FADS2: variants seen among roughly 807,000 people sequenced by gnomAD.
FADS2 encodes the protein fatty acid desaturase 2.
In FADS2, 18 loss-of-function variants were observed where a neutral mutation model predicts 61.2. The ratio of observed to expected loss-of-function variants is 0.29; its 90% CI spans 0.20 to 0.44. The LOEUF (loss-of-function observed/expected upper bound fraction) is 0.44. Ranked by LOEUF, FADS2 falls within the 20% of genes least tolerant of loss-of-function variation. FADS2 has a pLI of 1.00. For missense variants in FADS2, 322 were observed against 572.7 expected (o/e 0.56, Z 4.47); for synonymous variants, 203 against 223.9 (o/e 0.91, Z 0.83).
At chr11:61,862,785 C>T (rs1445309655) in intron 7 of FADS2, 187 bp from the exon 8 acceptor site, 5 of 606,716 alleles carry the variant, frequency 8.2e-6, no homozygotes, top group Non-Finnish European at 1.5e-5. Context: ...TCAGCATTTC[C>T]CTAGAAACAA....
At chr11:61,864,631 G>A (rs2067446380) in intron 10 of FADS2, among the ~76,000 whole-genome samples, 1 of 152,166 alleles carries the variant, frequency 6.6e-6, no homozygotes, top group Non-Finnish European at 1.5e-5. Context: ...CTAGCCTCAA[G>A]TGATCCACCT....
Position 61,857,186 on chromosome 11 carries a change from T to C in FADS2, c.805+115T>C, listed in dbSNP as rs1591179085. ...ATCCAGAAAGTGACACTAAACTTGT[T>C]AGAAGCGGGGGCCACAGCAGCCTTG... is the stretch of plus-strand genomic sequence containing the variant. On this transcript the variant is annotated intron_variant, in intron 6 of 11. Coordinates refer to ENST00000278840, the MANE Select transcript of FADS2 (RefSeq NM_004265.4). 1.4e-5 allele frequency: 13 copies of C among 959,008 alleles called. No individual in the cohort carries two copies. The East Asian group carries it at 2.9e-4, about 22-fold the overall frequency. 59.4% of individuals were successfully genotyped at this position (959,008 alleles called of 1,614,324 possible). A position where few individuals can be genotyped will look rare whatever the true frequency, so the allele number is the denominator to read the frequency against.
chr11:61,863,511 A>G (rs1311110611), intron 9 of FADS2, 133 bp downstream of exon 9: 3 of 807,464 alleles, frequency 3.7e-6, no homozygotes, highest in Non-Finnish European at 6.2e-6. Flanking sequence ...TGGGAGCTTC[A>G]GGGCTGAGCA....
rs1209179092 is a variant in FADS2, at chr11:61,857,587, A to G, written c.882+57A>G. Reference sequence around the variant, plus strand: ...GGAGGAGGGTGACTGGGACAGGGGGACCCGGGGGTCCTACGCTGCCTCCTC... The same window carrying G: ...GGAGGAGGGTGACTGGGACAGGGGGGCCCGGGGGTCCTACGCTGCCTCCTC... On this transcript the variant is annotated intron_variant, in intron 7 of 11. Transcript: ENST00000278840. 8 of 1,493,344 alleles carry G rather than the reference A, an allele frequency of 5.4e-6. No individual in the cohort carries two copies. In the Admixed American group the frequency reaches 1.3e-4, roughly 25 times the overall value. The allele number at this position is 1,493,344 out of a possible 1,614,324, so 92.5% of individuals were successfully genotyped here. A position where few individuals can be genotyped will look rare whatever the true frequency, so the allele number is the denominator to read the frequency against.
intron 1 of FADS2, among the ~76,000 whole-genome samples, chr11:61,820,406 T>C (rs1270147173): frequency 6.6e-6 from 1 of 152,150 alleles, no homozygotes; most frequent in Non-Finnish European, 1.5e-5. Flanking sequence ...AAATTCATCT[T>C]ACTCAGGATT....
chr11:61,826,696 G>A (rs1354160157), upstream of FADS2, among the ~76,000 whole-genome samples: 1 of 152,116 alleles, frequency 6.6e-6, no homozygotes, highest in Non-Finnish European at 1.5e-5. Flanking sequence ...GCAGTCTGTG[G>A]AGTGAATGAA....
intron 1 of FADS2, among the ~76,000 whole-genome samples, chr11:61,820,696 T>C (rs1280256478): frequency 6.6e-6 from 1 of 152,036 alleles, no homozygotes; most frequent in Admixed American, 6.5e-5. Flanking sequence ...GGTCAGGAGC[T>C]CCAGACCCAC....
upstream of FADS2, among the ~76,000 whole-genome samples, chr11:61,823,516 T>G (rs2067048643): frequency 6.6e-6 from 1 of 152,174 alleles, no homozygotes; most frequent in East Asian, 1.9e-4. Context: ...ACCCAGCTTA[T>G]TTTATTTGAG....
At chr11:61,828,057 A>G, upstream of FADS2, 3 of 1,184,078 alleles carry the variant, frequency 2.5e-6, no homozygotes, top group South Asian at 4.7e-5. The surrounding 1 kb of genome is among the most constrained non-coding windows in gnomAD (Gnocchi z 6.4). Context: ...GGGGAGCCGG[A>G]GGGGCGGGCA....
rs557150496 is a variant in FADS2 at position 61,820,621 on chromosome 11, C to T, written c.141+4195C>T. On this transcript the variant is annotated intron_variant, in intron 1 of 11. Coordinates refer to the FADS2 transcript ENST00000257261. ...TCCCACATAAATTTGCTGAATTGGCCGGGCGTGGCAGCTCATGCCTGTAAT... is the reference window on the plus strand; with the variant it reads ...TCCCACATAAATTTGCTGAATTGGCTGGGCGTGGCAGCTCATGCCTGTAAT... Among the ~76,000 whole-genome samples, 9 of 152,076 alleles carry T rather than the reference C, an allele frequency of 5.9e-5. No homozygotes were observed. In the South Asian group the frequency reaches 1.0e-3, roughly 18 times the overall value.
At position 61,865,429 on chromosome 11, in the gene FADS2, T is replaced by C. The variant is rs1217773748; in HGVS notation, c.1283+152T>C. Reference sequence around the variant, plus strand: ...TGTGTTAGGAGCTGTTGGGCTTTTCTCCCTGGGCTGCGAGAAGACCATCCC... The same window carrying C: ...TGTGTTAGGAGCTGTTGGGCTTTTCCCCCTGGGCTGCGAGAAGACCATCCC... On this transcript the variant is annotated intron_variant, in intron 11 of 11. Transcript: ENST00000278840. The surrounding 1 kb of genome is among the most constrained non-coding windows in gnomAD (Gnocchi z 4.1). 1.9e-6 allele frequency: 2 copies of C among 1,077,166 alleles called. No individual in the cohort carries two copies. The highest frequency in any genetic ancestry group is 5.2e-5 in the East Asian group (2 of 38,470). 66.7% of individuals were successfully genotyped at this position (1,077,166 alleles called of 1,614,324 possible). A position where few individuals can be genotyped will look rare whatever the true frequency, so the allele number is the denominator to read the frequency against.
rs546908079 is a variant in FADS2, at chr11:61,863,123, C to A, written c.980+54C>A. On this transcript the variant is annotated intron_variant, in intron 8 of 11. Coordinates refer to ENST00000278840, the MANE Select transcript of FADS2 (RefSeq NM_004265.4). ...GGCCCTCCACTGGCACTGATGATGG[C>A]TTTGGCATGAGAAGAGGCTCGGACG... The A allele has an allele frequency of 3.7e-4, 571 of 1,542,360 alleles. 3 individuals carry two copies. The highest frequency in any genetic ancestry group is 3.0e-3 in the Middle Eastern group (18 of 5,912).
In FADS2 at chr11:61,828,809, A is replaced by G. The variant is rs930397845; in HGVS notation, c.207+212A>G. ...TGGAGACCGGATCTGGGACCCGGGG[A>G]GGCGGCGCTGCGGTGAAAGTCCCAG... On this transcript the variant is annotated intron_variant, in intron 1 of 11. Coordinates refer to ENST00000278840, the MANE Select transcript of FADS2 (RefSeq NM_004265.4). The surrounding 1 kb of genome is among the most constrained non-coding windows in gnomAD (Gnocchi z 6.4). The G allele has an allele frequency of 5.3e-5, 30 of 562,936 alleles. No individual in the cohort carries two copies. Among genetic ancestry groups the G allele is most frequent in the South Asian group, 1.3e-4 (6 of 47,246 alleles). The allele number at this position is 562,936 out of a possible 1,614,324, so 34.9% of individuals were successfully genotyped here. A position where few individuals can be genotyped will look rare whatever the true frequency, so the allele number is the denominator to read the frequency against.
chr11:61,859,271 G>C (rs763105890), intron 7 of FADS2, among the ~76,000 whole-genome samples: 4 of 152,082 alleles, frequency 2.6e-5, no homozygotes, highest in South Asian at 2.1e-4. Context: ...TGGTCAGGCT[G>C]GTCTCAAACT....
intron 1 of FADS2, among the ~76,000 whole-genome samples, chr11:61,830,596 T>G (rs980698393): frequency 6.6e-6 from 1 of 152,250 alleles, no homozygotes; most frequent in Non-Finnish European, 1.5e-5. Flanking sequence ...ATAACTTTCA[T>G]GGACTATAAA....
chr11:61,864,690 T>C (rs1261900427), intron 10 of FADS2, among the ~76,000 whole-genome samples: 1 of 152,136 alleles, frequency 6.6e-6, no homozygotes, highest in Non-Finnish European at 1.5e-5. Flanking sequence ...CCACTGCACC[T>C]GGCCTAATTT....
At chr11:61,826,650 A>G (rs2067088800), upstream of FADS2, 1 of 534,134 alleles carries the variant, frequency 1.9e-6, no homozygotes, top group Non-Finnish European at 3.3e-6. Context: ...GTCTGCTCAC[A>G]CTCAAAGACA....
rs531049028 is a variant in FADS2 at position 61,838,015 on chromosome 11, G to A, written c.318+127G>A. On this transcript the variant is annotated intron_variant, in intron 2 of 11. Transcript: ENST00000278840. The stretch of plus-strand genomic sequence containing the variant: ...AGGCAGGGGTGCTTTTGTCCTGGAG[G>A]AGCCACTGTGGTTCACCTGTGTTCA... 4.9e-4 allele frequency: 339 copies of A among 695,672 alleles called. 3 individuals are homozygous for A. The highest frequency in any genetic ancestry group is 1.5e-3 in the Middle Eastern group (4 of 2,702). The allele number at this position is 695,672 out of a possible 1,614,324, so 43.1% of individuals were successfully genotyped here. A position where few individuals can be genotyped will look rare whatever the true frequency, so the allele number is the denominator to read the frequency against.
chr11:61,858,812 T>G (rs2067388108), intron 7 of FADS2, among the ~76,000 whole-genome samples: 1 of 151,990 alleles, frequency 6.6e-6, no homozygotes, highest in Non-Finnish European at 1.5e-5. Context: ...TCTCGAACTC[T>G]TGACTCGTGA....
Sources: gnomAD v4.1 joint callset for allele counts (sites outside exome capture counted in the v4.1 genomes callset) on GRCh38, gnomAD v4.1.1 for gene constraint, Gnocchi (gnomAD v3.1) non-coding constraint, MANE v1.5 for transcripts, NCBI Gene and HGNC (gene_info 2026-07-23, HGNC 2026-07-21) for gene names.